CNTNAP2: variants seen among roughly 807,000 people sequenced by gnomAD.
CNTNAP2 encodes contactin-associated protein-like 2.
A neutral mutation model predicts 155.2 loss-of-function variants in CNTNAP2; 98 were observed. The ratio of observed to expected loss-of-function variants is 0.63; its 90% CI spans 0.54 to 0.75. CNTNAP2 has a LOEUF of 0.75. Among genes scored for constraint, CNTNAP2 ranks in the 30% least tolerant of loss-of-function variants. The pLI, the probability that CNTNAP2 is intolerant of heterozygous loss-of-function variation, is 0.00. For missense variants in CNTNAP2, 1,727 were observed against 1,688.1 expected, an observed-to-expected ratio of 1.02 and a Z score of -0.40; for synonymous variants, 651 against 631.2, an observed-to-expected ratio of 1.03 and a Z score of -0.47.
At chr7:147,991,018 T>A (rs983285595) in intron 15 of CNTNAP2, among the ~76,000 whole-genome samples, 1 of 151,892 alleles carries the variant, frequency 6.6e-6, no homozygotes, top group African/African-American at 2.4e-5. Flanking sequence ...CCACCATGAG[T>A]CACCTTATTG....
chr7:146,453,904 A>G (rs1246717921), intron 1 of CNTNAP2, among the ~76,000 whole-genome samples: 4 of 152,154 alleles, frequency 2.6e-5, no homozygotes, highest in African/African-American at 4.8e-5. Context: ...AGCATCAGTG[A>G]GCTATGGGGC....
At chr7:147,991,816 C>T (rs1801715099) in intron 15 of CNTNAP2, among the ~76,000 whole-genome samples, 1 of 152,186 alleles carries the variant, frequency 6.6e-6, no homozygotes, top group African/African-American at 2.4e-5. Flanking sequence ...GGGTGCTAAG[C>T]TGTGAGCTAT....
chr7:147,749,867 T>C (rs184792612), intron 13 of CNTNAP2, among the ~76,000 whole-genome samples: 1 of 152,216 alleles, frequency 6.6e-6, no homozygotes, highest in Non-Finnish European at 1.5e-5. Flanking sequence ...ATTGAAGAGA[T>C]GTACATCTTA....
intron 1 of CNTNAP2, among the ~76,000 whole-genome samples, chr7:146,589,299 T>A (rs948016021): frequency 2.6e-5 from 4 of 152,132 alleles, no homozygotes; most frequent in African/African-American, 9.7e-5. Context: ...CACATGCACA[T>A]GTACGTTTAT....
intron 18 of CNTNAP2, among the ~76,000 whole-genome samples, chr7:148,211,865 T>C (rs1472463370): frequency 6.6e-6 from 1 of 152,200 alleles, no homozygotes; most frequent in Non-Finnish European, 1.5e-5. Context: ...GGGGAAGTTT[T>C]CCAAGTTGCA....
chr7:146,466,066 A>G (rs1318612063), intron 1 of CNTNAP2, among the ~76,000 whole-genome samples: 2 of 152,162 alleles, frequency 1.3e-5, no homozygotes, highest in East Asian at 3.9e-4. Flanking sequence ...TACACCATAA[A>G]AGCTCGTTGG....
intron 1 of CNTNAP2, among the ~76,000 whole-genome samples, chr7:146,233,228 TCA>T (rs1305166634): frequency 6.6e-6 from 1 of 152,170 alleles, no homozygotes; most frequent in Non-Finnish European, 1.5e-5. Context: ...GGAACATTTA[TCA>T]CAGATTTGAC....
At chr7:146,335,609 G>T (rs979736347) in intron 1 of CNTNAP2, among the ~76,000 whole-genome samples, 1 of 152,166 alleles carries the variant, frequency 6.6e-6, no homozygotes. Context: ...CTGGAGAAAG[G>T]TCTAATAGAA....
At chr7:148,165,842 C>T (rs1465333456) in intron 17 of CNTNAP2, among the ~76,000 whole-genome samples, 1 of 152,178 alleles carries the variant, frequency 6.6e-6, no homozygotes, top group Admixed American at 6.5e-5. Context: ...AGCACGTCCT[C>T]ATCATCATTT....
At chr7:147,621,655 A>G (rs1244582350) in intron 12 of CNTNAP2, among the ~76,000 whole-genome samples, 1 of 152,040 alleles carries the variant, frequency 6.6e-6, no homozygotes, top group Admixed American at 6.6e-5. Context: ...CACAAAATAA[A>G]AAGCAAGAAA....
chr7:148,342,476 C>G (rs374898956), intron 21 of CNTNAP2, among the ~76,000 whole-genome samples: 1 of 152,200 alleles, frequency 6.6e-6, no homozygotes, highest in Admixed American at 6.5e-5. Flanking sequence ...GTGTAAACTT[C>G]AGAGGGTTTT....
rs10249713 is a variant in CNTNAP2 at position 147,238,757 on chromosome 7, C to A, written c.1349-61384C>A. 5.1e-3 allele frequency among the ~76,000 whole-genome samples: 773 copies of A among 152,244 alleles called. 12 individuals are homozygous for A. The highest frequency in any genetic ancestry group is 0.017 in the African/African-American group (701 of 41,542). On this transcript the variant is annotated intron_variant, in intron 8 of 23. Coordinates refer to ENST00000361727, the MANE Select transcript of CNTNAP2 (RefSeq NM_014141.6). The stretch of plus-strand genomic sequence containing the variant: ...ATTAAATTCAAGCTCTCAGATATTT[C>A]TTTCATTAACCATTTATTCTCCCTT...
intron 13 of CNTNAP2, among the ~76,000 whole-genome samples, chr7:147,678,865 A>G (rs1795908159): frequency 6.6e-6 from 1 of 151,918 alleles, no homozygotes; most frequent in South Asian, 2.1e-4. Flanking sequence ...GGAAAAAGCT[A>G]AATTAGAGAT....
intron 20 of CNTNAP2, among the ~76,000 whole-genome samples, chr7:148,243,446 T>C (rs10244712): frequency 0.8 from 122,417 of 152,104 alleles, 49,400 homozygotes; most frequent in South Asian, 0.92. Context: ...TGAGACTGCG[T>C]AATTTACAAA....
chr7:147,513,915 A>G (rs1292036794), intron 11 of CNTNAP2, among the ~76,000 whole-genome samples: 1 of 152,202 alleles, frequency 6.6e-6, no homozygotes. Context: ...TTTGGAAGAC[A>G]CACCTGAAAT....
intron 15 of CNTNAP2, among the ~76,000 whole-genome samples, chr7:148,059,698 T>A (rs1197263067): frequency 1.3e-5 from 2 of 149,674 alleles, no homozygotes; most frequent in African/African-American, 4.9e-5. Context: ...GAAATATTCT[T>A]CTCTCAAAAG....
intron 3 of CNTNAP2, among the ~76,000 whole-genome samples, chr7:146,996,396 A>C (rs1390002957): frequency 6.6e-6 from 1 of 152,032 alleles, no homozygotes; most frequent in Non-Finnish European, 1.5e-5. Flanking sequence ...ATGTTTCACC[A>C]ATTTTTCATA....
intron 2 of CNTNAP2, among the ~76,000 whole-genome samples, chr7:146,806,017 G>A (rs777748115): frequency 5.9e-5 from 9 of 152,062 alleles, no homozygotes; most frequent in Non-Finnish European, 7.4e-5. Flanking sequence ...TCATTTAGTA[G>A]CATGCCATTG....
At chr7:147,306,101 A>C (rs373100845) in intron 9 of CNTNAP2, among the ~76,000 whole-genome samples, 3 of 152,214 alleles carry the variant, frequency 2.0e-5, no homozygotes, top group African/African-American at 7.2e-5. Flanking sequence ...TTTCCCAATA[A>C]GGCCACATTC....
Sources: allele counts gnomAD v4.1 joint callset (sites outside exome capture counted in the v4.1 genomes callset), GRCh38; gene constraint gnomAD v4.1.1; transcripts MANE v1.5; gene names NCBI Gene and HGNC (gene_info 2026-07-23, HGNC 2026-07-21).